Variants in AGO1 observed in about 807,000 individuals in gnomAD.
The protein encoded by AGO1 is argonaute RISC component 1, also known as protein argonaute-1.
A neutral mutation model predicts 109.2 loss-of-function variants in AGO1; 11 were observed. The ratio of observed to expected loss-of-function variants is 0.10; its 90% CI spans 0.06 to 0.17. The LOEUF is 0.17. AGO1 is among the 10% of genes least tolerant of loss of function. The pLI is 1.00. For missense variants in AGO1, 574 were observed against 1,140.3 expected (o/e 0.50, Z 7.15); for synonymous variants, 422 against 418.6 (o/e 1.01, Z -0.10).
At position 35,895,213 on chromosome 1, in the gene AGO1, C is replaced by T. The variant is rs1411142617; in HGVS notation, c.964C>T (p.His322Tyr). 1.2e-6 allele frequency: 2 copies of T among 1,614,120 alleles called. No homozygotes were observed. The highest frequency in any genetic ancestry group is 1.7e-6 in the Non-Finnish European group (2 of 1,180,002). The change falls in exon 8 of 19, where the codon CAT becomes TAT. Residue 322 changes from histidine to tyrosine, a missense_variant. His to Tyr is a moderately conservative substitution (Grantham distance 83). Coordinates refer to ENST00000373204, the MANE Select transcript of AGO1 (RefSeq NM_012199.5). ...QKYNLQLKYP[H>Y]LPCLQVGQEQ... Reference sequence around the variant, plus strand: ...ATATAACCTTCAGCTCAAGTATCCCCATCTGCCCTGCCTACAAGTTGGCCA... The same window carrying T: ...ATATAACCTTCAGCTCAAGTATCCCTATCTGCCCTGCCTACAAGTTGGCCA...
Position 35,893,859 on chromosome 1 carries a change from A to G in AGO1, c.649+49A>G. 1 of 1,585,732 alleles carries G rather than the reference A, an allele frequency of 6.3e-7. No homozygotes were observed. The highest frequency in any genetic ancestry group is 1.7e-5 in the Admixed American group (1 of 58,894). On this transcript the variant is annotated intron_variant, in intron 5 of 18. Transcript: ENST00000373204. The surrounding 1 kb of genome is among the most constrained non-coding windows in gnomAD (Gnocchi z 5.6). ...CAGGGGCACCCCAAGTCCAGTGACC[A>G]CACTCCCAGCCTCATCCCTCCCAGC...
At chr1:35,886,450 G>C (rs1287272271) in intron 1 of AGO1, among the ~76,000 whole-genome samples, 1 of 152,110 alleles carries the variant, frequency 6.6e-6, no homozygotes, top group African/African-American at 2.4e-5. Flanking sequence ...TGGAGAGGAA[G>C]GTGCTCTAAG....
intron 1 of AGO1, among the ~76,000 whole-genome samples, chr1:35,887,257 C>G (rs527554776): frequency 3.3e-5 from 5 of 152,272 alleles, no homozygotes; most frequent in African/African-American, 7.2e-5. Flanking sequence ...CCCCATCCCC[C>G]CAGCTTGTCT....
At chr1:35,907,205 G>T in intron 12 of AGO1, 86 bp downstream of exon 12, 1 of 1,311,938 alleles carries the variant, frequency 7.6e-7, no homozygotes. Flanking sequence ...ACTCAGTCTG[G>T]ATTCTTGGCT....
At chr1:35,876,673 T>C (rs911224020) in intron 1 of AGO1, among the ~76,000 whole-genome samples, 3 of 152,228 alleles carry the variant, frequency 2.0e-5, no homozygotes, top group Non-Finnish European at 4.4e-5. Flanking sequence ...ATTTAGAATA[T>C]TGCATAAACC....
intron 8 of AGO1, among the ~76,000 whole-genome samples, chr1:35,900,899 C>G (rs1645402621): frequency 6.6e-6 from 1 of 151,778 alleles, no homozygotes; most frequent in Admixed American, 6.6e-5. Flanking sequence ...CAGAGCGAGA[C>G]TCTATCTCAA....
At position 35,902,350 on chromosome 1, in the gene AGO1, C is replaced by T. The variant is rs747382579; in HGVS notation, c.1397+13C>T. On this transcript the variant is annotated intron_variant, in intron 11 of 18. Coordinates refer to ENST00000373204, the MANE Select transcript of AGO1 (RefSeq NM_012199.5). ...AAGAGGTGCTCAAGTAAGGAGGGTTCGCTGTAGGGGTGGAAGGGTGGGAAG... is the reference window on the plus strand; with the variant it reads ...AAGAGGTGCTCAAGTAAGGAGGGTTTGCTGTAGGGGTGGAAGGGTGGGAAG... 92 of 1,612,014 alleles carry T rather than the reference C, an allele frequency of 5.7e-5. No individual in the cohort carries two copies. The highest frequency in any genetic ancestry group is 1.7e-4 in the Middle Eastern group (1 of 5,928).
intron 1 of AGO1, among the ~76,000 whole-genome samples, chr1:35,872,611 C>T (rs1043191046): frequency 2.6e-5 from 4 of 151,642 alleles, no homozygotes; most frequent in East Asian, 1.9e-4. Flanking sequence ...GTGGCTCTGT[C>T]GCCCAGGCTG....
At position 35,892,516 on chromosome 1, in the gene AGO1, G is replaced by A. The variant is rs199987371; in HGVS notation, c.210-41G>A. 898 of 1,614,042 alleles carry A rather than the reference G, an allele frequency of 5.6e-4. 9 individuals are homozygous for A. Among genetic ancestry groups the A allele is most frequent in the South Asian group, 5.0e-3 (456 of 91,066 alleles). On this transcript the variant is annotated intron_variant, in intron 2 of 18. Transcript: ENST00000373204. ...ATTACTTCCAAAACTTGAAGTGGTG[G>A]TAGTCTCTCAGCTTCCACAGGCCAC... is the stretch of plus-strand genomic sequence containing the variant.
Position 35,901,378 on chromosome 1 carries a change from T to C in AGO1, c.1021-96T>C, listed in dbSNP as rs990130653. 3 of 1,543,514 alleles carry C rather than the reference T, an allele frequency of 1.9e-6. No individual in the cohort carries two copies. Among genetic ancestry groups the C allele is most frequent in the Non-Finnish European group, 2.6e-6 (3 of 1,132,984 alleles). ...ACGGATTTTGCAGTTCCCTTCCCCATGGCTGACAGCCAAGGTATCTTTCCT... is the reference window on the plus strand; with the variant it reads ...ACGGATTTTGCAGTTCCCTTCCCCACGGCTGACAGCCAAGGTATCTTTCCT... On this transcript the variant is annotated intron_variant, in intron 8 of 18. Transcript: ENST00000373204. This position sits in a 1 kb window ranked among gnomAD's most constrained non-coding sequence, Gnocchi z 4.8.
At chr1:35,895,300 G>A (rs1254465092) in intron 8 of AGO1, 31 bp downstream of exon 8, 1 of 1,603,054 alleles carries the variant, frequency 6.2e-7, no homozygotes, top group Non-Finnish European at 8.5e-7. Context: ...CTGGGGAATA[G>A]GCATTGTATA....
chr1:35,901,918 C>T lies in AGO1; in HGVS notation c.1141-30C>T. The stretch of plus-strand genomic sequence containing the variant: ...TGAGCAGTATTGCCAAGCTCCTGTT[C>T]TCCTGAGATTGCTCTCTTTTGTCCT... On this transcript the variant is annotated intron_variant, in intron 9 of 18. Coordinates refer to ENST00000373204, the MANE Select transcript of AGO1 (RefSeq NM_012199.5). This position sits in a 1 kb window ranked among gnomAD's most constrained non-coding sequence, Gnocchi z 4.8. 1 of 1,555,170 alleles carries T rather than the reference C, an allele frequency of 6.4e-7. No homozygotes were observed. The highest frequency in any genetic ancestry group is 8.7e-7 in the Non-Finnish European group (1 of 1,151,650).
In AGO1 at chr1:35,926,257, A is replaced by C. The variant is rs942092258; in HGVS notation, c.*6650A>C. On this transcript the variant is annotated 3_prime_UTR_variant, in exon 19 of 19. Transcript: ENST00000373204. Reference sequence around the variant, plus strand: ...CAGGATTTGCCTGTGGTTGCTACTCAAGTTAAAAAGACTGGGAGCCTGCAT... The same window carrying C: ...CAGGATTTGCCTGTGGTTGCTACTCCAGTTAAAAAGACTGGGAGCCTGCAT... The C allele has an allele frequency of 6.6e-6, 1 of 152,168 alleles. No individual in the cohort carries two copies. The highest frequency in any genetic ancestry group is 1.5e-5 in the Non-Finnish European group (1 of 68,032). The allele number at this position is 152,168 out of a possible 1,614,324, so 9.4% of individuals were successfully genotyped here.
intron 1 of AGO1, among the ~76,000 whole-genome samples, chr1:35,885,615 T>TA (rs1416475942): frequency 6.6e-6 from 1 of 152,190 alleles, no homozygotes; most frequent in Admixed American, 6.5e-5. Context: ...AAGCGTTGTG[T>TA]AAAAAACAAC....
Position 35,920,001 on chromosome 1 carries a change from TGATACTTTA to T in AGO1, c.*398_*406del, listed in dbSNP as rs1645802823. On this transcript the variant is annotated 3_prime_UTR_variant, in exon 19 of 19. Transcript: ENST00000373204. The stretch of plus-strand genomic sequence containing the variant: ...GACAAAAGCTGGTTAGGTTTGGGTT[TGATACTTTA>T]GATGGGAAAGTGAGGGGCTTGAGAA... 1 of 169,986 alleles carries T rather than the reference TGATACTTTA, an allele frequency of 5.9e-6. No individual in the cohort carries two copies. Among genetic ancestry groups the T allele is most frequent in the Non-Finnish European group, 1.3e-5 (1 of 79,868 alleles). The allele number at this position is 169,986 out of a possible 1,614,324, so 10.5% of individuals were successfully genotyped here.
In AGO1 at chr1:35,901,898, A is replaced by C; in HGVS notation, c.1141-50A>C. ...TCTCCTTGATACCCAGAGGGTGAGC[A>C]GTATTGCCAAGCTCCTGTTCTCCTG... On this transcript the variant is annotated intron_variant, in intron 9 of 18. Transcript: ENST00000373204. This position sits in a 1 kb window ranked among gnomAD's most constrained non-coding sequence, Gnocchi z 4.8. The C allele has an allele frequency of 1.3e-6, 2 of 1,538,920 alleles. No homozygotes were observed. The highest frequency in any genetic ancestry group is 1.7e-6 in the Non-Finnish European group (2 of 1,143,582).
At chr1:35,918,554 T>C in intron 17 of AGO1, 131 bp downstream of exon 17, 1 of 856,432 alleles carries the variant, frequency 1.2e-6, no homozygotes, top group Non-Finnish European at 1.9e-6. Context: ...TTGTTCTGTT[T>C]TGTTTTGTTT....
intron 8 of AGO1, among the ~76,000 whole-genome samples, chr1:35,900,476 C>T (rs1645394007): frequency 6.6e-6 from 1 of 152,122 alleles, no homozygotes; most frequent in South Asian, 2.1e-4. Context: ...TCCTGTAATC[C>T]CAGCACTTTG....
At chr1:35,911,928 GT>G (rs1645640025) in intron 12 of AGO1, among the ~76,000 whole-genome samples, 1 of 152,054 alleles carries the variant, frequency 6.6e-6, no homozygotes, top group Non-Finnish European at 1.5e-5. Context: ...CACTATCTTA[GT>G]CTTCCTTCTA....
Sources: allele counts gnomAD v4.1 joint callset (sites outside exome capture counted in the v4.1 genomes callset), GRCh38; gene constraint gnomAD v4.1.1; non-coding constraint Gnocchi (gnomAD v3.1); transcripts MANE v1.5; gene names NCBI Gene and HGNC (gene_info 2026-07-23, HGNC 2026-07-21).